FBXO11: variants seen among roughly 807,000 people sequenced by gnomAD.
The protein encoded by FBXO11 is F-box only protein 11.
In FBXO11, 13 loss-of-function variants were observed where a neutral mutation model predicts 117.0. The observed-to-expected ratio is 0.11, with a 90% CI of 0.07 to 0.18. The LOEUF (loss-of-function observed/expected upper bound fraction) is 0.18, where lower values mean the gene tolerates loss of function less well. FBXO11 is among the 10% of genes least tolerant of loss of function. The pLI is 1.00. For synonymous variants in FBXO11, 490 were observed against 380.5 expected, an observed-to-expected ratio of 1.29 and a Z score of -3.35; for missense variants, 767 against 1,164.4, an observed-to-expected ratio of 0.66 and a Z score of 4.97.
chr2:47,897,046 C>A (rs957538473), intron 1 of FBXO11, among the ~76,000 whole-genome samples: 1 of 151,954 alleles, frequency 6.6e-6, no homozygotes, highest in Non-Finnish European at 1.5e-5. Context: ...AAAGTTATGA[C>A]CAATTATGTG....
At chr2:47,809,458 C>T in intron 20 of FBXO11, 142 bp downstream of exon 20, 1 of 716,800 alleles carries the variant, frequency 1.4e-6, no homozygotes, top group Non-Finnish European at 2.3e-6. Flanking sequence ...CCATTTAGAA[C>T]CAAAGCTCTG....
intron 1 of FBXO11, among the ~76,000 whole-genome samples, chr2:47,895,237 AC>A (rs1677567245): frequency 6.6e-6 from 1 of 152,212 alleles, no homozygotes; most frequent in East Asian, 1.9e-4. Flanking sequence ...ACATCCAAAC[AC>A]AAAAACAATC....
intron 1 of FBXO11, among the ~76,000 whole-genome samples, chr2:47,890,329 G>C (rs918138488): frequency 3.3e-5 from 5 of 152,068 alleles, no homozygotes; most frequent in Admixed American, 1.3e-4. Flanking sequence ...AAATAATATA[G>C]TCAATTATCA....
At chr2:47,837,622 C>G (rs1046379359) in intron 4 of FBXO11, among the ~76,000 whole-genome samples, 3 of 152,198 alleles carry the variant, frequency 2.0e-5, no homozygotes, top group African/African-American at 7.2e-5. Flanking sequence ...GTGTAAAGAA[C>G]TATAGTTTCA....
At chr2:47,834,989 C>A in intron 5 of FBXO11, 118 bp from the exon 6 acceptor site, 1 of 732,280 alleles carries the variant, frequency 1.4e-6, no homozygotes, top group Non-Finnish European at 2.3e-6. Context: ...TCAACTATTC[C>A]AAATAATTTT....
At chr2:47,809,737 C>T in intron 19 of FBXO11, 30 bp from the exon 20 acceptor site, 1 of 1,440,246 alleles carries the variant, frequency 6.9e-7, no homozygotes, top group Non-Finnish European at 9.8e-7. Context: ...CAAGTAGATA[C>T]ATCACTTTAT....
At chr2:47,877,811 A>C (rs956148660) in intron 1 of FBXO11, among the ~76,000 whole-genome samples, 1 of 152,074 alleles carries the variant, frequency 6.6e-6, no homozygotes, top group Non-Finnish European at 1.5e-5. Context: ...CAGCCTCCCA[A>C]CTAGCTGGGA....
chr2:47,834,923 AT>A, intron 5 of FBXO11, 52 bp from the exon 6 acceptor site: 1 of 1,248,414 alleles, frequency 8.0e-7, no homozygotes, highest in South Asian at 1.3e-5. Context: ...TAAACCTTAT[AT>A]TTAAATTAAT....
chr2:47,869,864 C>T (rs1050838005), intron 1 of FBXO11, among the ~76,000 whole-genome samples: 1 of 152,090 alleles, frequency 6.6e-6, no homozygotes, highest in African/African-American at 2.4e-5. Context: ...TTAGTAGAGA[C>T]AGGGGCTTCA....
chr2:47,818,599 C>A (rs970022018), intron 16 of FBXO11, 180 bp downstream of exon 16: 25 of 565,014 alleles, frequency 4.4e-5, no homozygotes, highest in Non-Finnish European at 7.2e-5. Context: ...TGGCTTCTGT[C>A]CTCACCTAGA....
intron 11 of FBXO11, among the ~76,000 whole-genome samples, chr2:47,824,324 G>T (rs78398271): frequency 6.6e-6 from 1 of 152,020 alleles, no homozygotes; most frequent in South Asian, 2.1e-4. Context: ...CGTCTCTACA[G>T]AAAAAGTTAA....
At chr2:47,830,087 G>A (rs1056216611) in intron 11 of FBXO11, among the ~76,000 whole-genome samples, 1 of 152,010 alleles carries the variant, frequency 6.6e-6, no homozygotes, top group Non-Finnish European at 1.5e-5. Flanking sequence ...TAAATAACCA[G>A]AAAGATAGCT....
At chr2:47,886,325 T>C (rs549187458) in intron 1 of FBXO11, among the ~76,000 whole-genome samples, 1 of 151,896 alleles carries the variant, frequency 6.6e-6, no homozygotes, top group South Asian at 2.1e-4. Flanking sequence ...ACCAACATGG[T>C]GAAACTCCCG....
At chr2:47,868,755 T>G (rs144714475) in intron 1 of FBXO11, among the ~76,000 whole-genome samples, 1 of 152,296 alleles carries the variant, frequency 6.6e-6, no homozygotes, top group Non-Finnish European at 1.5e-5. Context: ...AGCGTCCAAT[T>G]TGGTAGCAGC....
chr2:47,810,615 G>T (rs1670544686), intron 18 of FBXO11, 189 bp from the exon 19 acceptor site: 1 of 491,268 alleles, frequency 2.0e-6, no homozygotes, highest in Admixed American at 3.9e-5. Context: ...TTGCTACAAT[G>T]ACAGGTAAGA....
At chr2:47,867,925 AT>A (rs767942625) in intron 1 of FBXO11, among the ~76,000 whole-genome samples, 1 of 152,082 alleles carries the variant, frequency 6.6e-6, no homozygotes, top group Non-Finnish European at 1.5e-5. Context: ...AGAAACAACA[AT>A]TTTTTTTAAG....
chr2:47,878,066 C>T (rs1676142366), intron 1 of FBXO11, among the ~76,000 whole-genome samples: 1 of 152,198 alleles, frequency 6.6e-6, no homozygotes, highest in African/African-American at 2.4e-5. Flanking sequence ...CCAGCTTTTA[C>T]CCAGGAGGCT....
chr2:47,839,376 A>G, intron 3 of FBXO11, 43 bp downstream of exon 3: 5 of 1,556,028 alleles, frequency 3.2e-6, no homozygotes, highest in Non-Finnish European at 4.4e-6. Context: ...CAAAATTAAA[A>G]AAAATTATTT....
intron 1 of FBXO11, among the ~76,000 whole-genome samples, chr2:47,859,634 CCT>C (rs1674596877): frequency 6.6e-6 from 1 of 152,172 alleles, no homozygotes; most frequent in South Asian, 2.1e-4. Flanking sequence ...TATTTGCAGC[CCT>C]CAAAGTGTTT....
Sources: gnomAD v4.1 joint callset for allele counts (sites outside exome capture counted in the v4.1 genomes callset) on GRCh38, gnomAD v4.1.1 for gene constraint, MANE v1.5 for transcripts, NCBI Gene and HGNC (gene_info 2026-07-23, HGNC 2026-07-21) for gene names.